SLAIN2: variants seen among roughly 807,000 people sequenced by gnomAD.
SLAIN2 encodes the protein SLAIN motif-containing protein 2.
SLAIN2 carries 31 observed loss-of-function variants against 56.6 expected under a neutral mutation model. That is an observed-to-expected ratio of 0.55 (90% CI 0.41 to 0.74). The LOEUF (loss-of-function observed/expected upper bound fraction) is 0.74, where lower values mean the gene tolerates loss of function less well. Among genes scored for constraint, SLAIN2 ranks in the 30% least tolerant of loss-of-function variants. The pLI, the probability that SLAIN2 is intolerant of heterozygous loss-of-function variation, is 0.00. For synonymous variants in SLAIN2, 317 were observed against 284.9 expected (o/e 1.11, Z -1.13); for missense variants, 777 against 754.2 (o/e 1.03, Z -0.35).
In SLAIN2 at chr4:48,369,384, T is replaced by G. The variant is rs375571717; in HGVS notation, c.390-465T>G. Among the ~76,000 whole-genome samples, 9 of 152,304 alleles carry G rather than the reference T, an allele frequency of 5.9e-5. No individual in the cohort carries two copies. In the South Asian group the frequency reaches 1.7e-3, roughly 28 times the overall value. ...TTGCTTTTCTCCAACACATTGTCGT[T>G]TGAAAAGAGGACTACAAATTGGATA... On this transcript the variant is annotated intron_variant, in intron 1 of 7. Coordinates refer to ENST00000264313, the MANE Select transcript of SLAIN2 (RefSeq NM_020846.2).
intron 2 of SLAIN2, among the ~76,000 whole-genome samples, chr4:48,377,510 C>A (rs1715853462): frequency 6.6e-6 from 1 of 151,868 alleles, no homozygotes; most frequent in South Asian, 2.1e-4. Flanking sequence ...AAAAGTAATA[C>A]ATTTGTTACA....
intron 6 of SLAIN2, among the ~76,000 whole-genome samples, chr4:48,386,523 G>T (rs1464551346): frequency 6.6e-6 from 1 of 152,124 alleles, no homozygotes; most frequent in African/African-American, 2.4e-5. Context: ...AAATTCTAAC[G>T]TTTAAAGCAC....
intron 3 of SLAIN2, among the ~76,000 whole-genome samples, chr4:48,378,532 T>C (rs1427373273): frequency 6.6e-6 from 1 of 152,182 alleles, no homozygotes; most frequent in Non-Finnish European, 1.5e-5. Flanking sequence ...AGGGAAAGAA[T>C]GTTCTGCTCT....
At chr4:48,381,675 C>T (rs1715976324) in intron 4 of SLAIN2, among the ~76,000 whole-genome samples, 1 of 152,210 alleles carries the variant, frequency 6.6e-6, no homozygotes, top group East Asian at 1.9e-4. Flanking sequence ...TTCTCATCCA[C>T]TGGTTTGATG....
intron 1 of SLAIN2, among the ~76,000 whole-genome samples, chr4:48,351,315 A>C (rs1246260389): frequency 6.6e-6 from 1 of 152,234 alleles, no homozygotes; most frequent in African/African-American, 2.4e-5. Context: ...AGTGATAATC[A>C]GACTAAATTG....
intron 1 of SLAIN2, among the ~76,000 whole-genome samples, chr4:48,366,907 TTG>T (rs1190334297): frequency 1.3e-5 from 2 of 152,212 alleles, no homozygotes; most frequent in African/African-American, 4.8e-5. Flanking sequence ...TTCATCAGAA[TTG>T]TGTCCCTCTT....
intron 1 of SLAIN2, among the ~76,000 whole-genome samples, chr4:48,349,618 G>GT (rs1714959568): frequency 6.6e-6 from 1 of 152,248 alleles, no homozygotes; most frequent in Admixed American, 6.5e-5. Context: ...TGATTTCCAA[G>GT]TTTTCTGATA....
intron 6 of SLAIN2, among the ~76,000 whole-genome samples, chr4:48,418,912 A>G (rs186245300): frequency 6.6e-6 from 1 of 152,080 alleles, no homozygotes; most frequent in South Asian, 2.1e-4. Context: ...TCATTCAGCA[A>G]AATTTTTGAT....
intron 1 of SLAIN2, among the ~76,000 whole-genome samples, chr4:48,347,871 C>G (rs765066928): frequency 7.2e-5 from 11 of 152,196 alleles, no homozygotes; most frequent in Non-Finnish European, 1.2e-4. Context: ...CAATACTTGT[C>G]TTTTTGTGTC....
At chr4:48,420,001 G>A (rs1481076128) in intron 6 of SLAIN2, 124 bp from the exon 7 acceptor site, 1 of 907,738 alleles carries the variant, frequency 1.1e-6, no homozygotes, top group East Asian at 2.6e-5. Context: ...TTTATTGTTT[G>A]CATTGCTGTG....
chr4:48,369,105 G>T (rs1715600901), intron 1 of SLAIN2, among the ~76,000 whole-genome samples: 1 of 152,020 alleles, frequency 6.6e-6, no homozygotes, highest in Non-Finnish European at 1.5e-5. Context: ...AAATCACCCT[G>T]GTTAGAAATC....
chr4:48,394,629 C>G (rs1387385913), intron 6 of SLAIN2: 1 of 1,535,912 alleles, frequency 6.5e-7, no homozygotes, highest in South Asian at 1.2e-5. Flanking sequence ...CAAACAGTTG[C>G]TTCAAACTTC....
At chr4:48,370,826 G>A (rs139623475) in intron 2 of SLAIN2, among the ~76,000 whole-genome samples, 32 of 152,286 alleles carry the variant, frequency 2.1e-4, no homozygotes, top group Non-Finnish European at 4.4e-4. Context: ...TTACTTGGCA[G>A]CCATGTACTT....
rs1317979381 is a variant in SLAIN2 at position 48,341,678 on chromosome 4, C to T, written c.-62C>T. On this transcript the variant is annotated 5_prime_UTR_variant, in exon 1 of 8. Transcript: ENST00000264313. ...CGGCGGCGACGCCTCTTTCCTCCGT[C>T]TCTTTCCCTGTCGCTGCGAGAGCGA... 5.3e-6 allele frequency: 8 copies of T among 1,506,152 alleles called. No individual in the cohort carries two copies. The highest frequency in any genetic ancestry group is 7.1e-6 in the Non-Finnish European group (8 of 1,126,868). 93.3% of individuals were successfully genotyped at this position (1,506,152 alleles called of 1,614,324 possible).
At chr4:48,344,794 G>T (rs1226564085) in intron 1 of SLAIN2, among the ~76,000 whole-genome samples, 1 of 151,754 alleles carries the variant, frequency 6.6e-6, no homozygotes, top group Non-Finnish European at 1.5e-5. Flanking sequence ...TTCACAAAAT[G>T]TTGATTACTT....
At chr4:48,349,932 T>C (rs1158999749) in intron 1 of SLAIN2, among the ~76,000 whole-genome samples, 3 of 152,214 alleles carry the variant, frequency 2.0e-5, no homozygotes. Context: ...TCTATTATTC[T>C]TGTTTGTTTT....
chr4:48,407,787 A>G (rs923128848), intron 6 of SLAIN2, among the ~76,000 whole-genome samples: 11 of 152,088 alleles, frequency 7.2e-5, no homozygotes, highest in Non-Finnish European at 1.0e-4. Flanking sequence ...CATTACCACT[A>G]TCTTATTTTA....
chr4:48,360,868 C>T (rs765977768), intron 1 of SLAIN2, among the ~76,000 whole-genome samples: 4 of 152,110 alleles, frequency 2.6e-5, no homozygotes, highest in Non-Finnish European at 4.4e-5. Flanking sequence ...ATACAATCTG[C>T]GATGTTTTGT....
rs761272695 is a variant in SLAIN2, at chr4:48,342,711, C to CTTTTTTTTTTTTTTTTTTT, written c.389+589_389+607dup. Among the ~76,000 whole-genome samples, 14 of 65,946 alleles carry CTTTTTTTTTTTTTTTTTTT rather than the reference C, an allele frequency of 2.1e-4. 1 individual carries two copies. The highest frequency in any genetic ancestry group is 5.6e-4 in the African/African-American group (9 of 15,984). The allele number at this position is 65,946 out of a possible 152,430, so 43.3% of individuals were successfully genotyped here. A position where few individuals can be genotyped will look rare whatever the true frequency, so the allele number is the denominator to read the frequency against. ...GAAGAGAGGGCAGAGGATGGTGCTG[C>CTTTTTTTTTTTTTTTTTTT]TTTTTTTTTTTTTTTTTTTTTTTTG... On this transcript the variant is annotated intron_variant, in intron 1 of 7. Coordinates refer to ENST00000264313, the MANE Select transcript of SLAIN2 (RefSeq NM_020846.2).
Sources: gnomAD v4.1 joint callset for allele counts (sites outside exome capture counted in the v4.1 genomes callset) on GRCh38, gnomAD v4.1.1 for gene constraint, MANE v1.5 for transcripts, NCBI Gene and HGNC (gene_info 2026-07-23, HGNC 2026-07-21) for gene names.